The following PRICKLE2 variants were observed in gnomAD, a reference collection of about 807,000 sequenced individuals.
PRICKLE2 encodes prickle-like protein 2.
In PRICKLE2, 21 loss-of-function variants were observed where a neutral mutation model predicts 81.4. The ratio of observed to expected loss-of-function variants is 0.26; its 90% CI spans 0.18 to 0.37. The LOEUF is 0.37. Among genes scored for constraint, PRICKLE2 ranks in the 10% least tolerant of loss-of-function variants. The pLI, the probability that PRICKLE2 is intolerant of heterozygous loss-of-function variation, is 1.00. For synonymous variants in PRICKLE2, 456 were observed against 421.5 expected (o/e 1.08, Z -1.00); for missense variants, 940 against 1,109.0 (o/e 0.85, Z 2.16).
At chr3:64,160,229 A>G (rs2077709891) in intron 3 of PRICKLE2, 152 bp from the exon 4 acceptor site, 3 of 817,976 alleles carry the variant, frequency 3.7e-6, no homozygotes, top group Non-Finnish European at 4.1e-6. Flanking sequence ...GGAGAGATTT[A>G]AGGTGAGTCT....
intron 2 of PRICKLE2, among the ~76,000 whole-genome samples, chr3:64,180,843 T>C (rs1189355746): frequency 6.6e-6 from 1 of 152,202 alleles, no homozygotes; most frequent in Non-Finnish European, 1.5e-5. Flanking sequence ...GAGTGATTTT[T>C]ATTACGTGTT....
chr3:64,134,352 C>G (rs529173963), intron 7 of PRICKLE2, among the ~76,000 whole-genome samples: 3 of 152,166 alleles, frequency 2.0e-5, no homozygotes, highest in African/African-American at 4.8e-5. Flanking sequence ...GGTCCCTTCC[C>G]GTGACATCAT....
At chr3:64,163,262 A>G in intron 2 of PRICKLE2, 133 bp from the exon 3 acceptor site, 3 of 732,638 alleles carry the variant, frequency 4.1e-6, no homozygotes. Flanking sequence ...GAAAGTCAAC[A>G]GCAGATGAGT....
At chr3:64,239,932 T>G (rs2079237764) in intron 2 of PRICKLE2, among the ~76,000 whole-genome samples, 1 of 97,156 alleles carries the variant, frequency 1.0e-5, no homozygotes, top group Admixed American at 1.6e-4. Context: ...CTGGGCAACA[T>G]GACAAAACCC....
In PRICKLE2 at chr3:64,213,986, T is replaced by C. The variant is rs561007942; in HGVS notation, c.-41+10924A>G. ...GTTCACAGAGAGGCCCCCAAATCACTGGCAAGTCATAGGAAATTCTTAAGT... is the reference window on the plus strand; with the variant it reads ...GTTCACAGAGAGGCCCCCAAATCACCGGCAAGTCATAGGAAATTCTTAAGT... On this transcript the variant is annotated intron_variant, in intron 1 of 7. Transcript: ENST00000638394. Among the ~76,000 whole-genome samples the C allele has an allele frequency of 8.5e-5, 13 of 152,268 alleles. No individual in the cohort carries two copies. In the East Asian group the frequency reaches 2.3e-3, roughly 27 times the overall value.
At chr3:64,165,320 C>A (rs2077811937) in intron 2 of PRICKLE2, among the ~76,000 whole-genome samples, 1 of 152,170 alleles carries the variant, frequency 6.6e-6, no homozygotes, top group Non-Finnish European at 1.5e-5. Context: ...GCCAGTAGAT[C>A]TGGACCCCGA....
At chr3:64,232,763 G>A (rs1289110436) in intron 2 of PRICKLE2, among the ~76,000 whole-genome samples, 1 of 152,118 alleles carries the variant, frequency 6.6e-6, no homozygotes, top group East Asian at 1.9e-4. Flanking sequence ...TTAATTCCCA[G>A]TTGAGTCCAC....
chr3:64,095,160 A>T lies in PRICKLE2; in HGVS notation c.*3891T>A, dbSNP rs1422318880. Reference sequence around the variant, plus strand: ...CTGCAAAATGAAGACTGCCTATAGTAATTGGCAGAGAACATGAAAATGGCC... The same window carrying T: ...CTGCAAAATGAAGACTGCCTATAGTTATTGGCAGAGAACATGAAAATGGCC... On this transcript the variant is annotated 3_prime_UTR_variant, in exon 8 of 8. Coordinates refer to ENST00000638394, the MANE Select transcript of PRICKLE2 (RefSeq NM_198859.4). 1 of 152,306 alleles carries T rather than the reference A, an allele frequency of 6.6e-6. No individual in the cohort carries two copies. Among genetic ancestry groups the T allele is most frequent in the Non-Finnish European group, 1.5e-5 (1 of 68,040 alleles). 9.4% of individuals were successfully genotyped at this position (152,306 alleles called of 1,614,324 possible). A position where few individuals can be genotyped will look rare whatever the true frequency, so the allele number is the denominator to read the frequency against.
chr3:64,101,879 A>G (rs1309288250), intron 7 of PRICKLE2: 1 of 152,218 alleles, frequency 6.6e-6, no homozygotes, highest in Admixed American at 6.5e-5. Context: ...GTTGCAAGGG[A>G]AGAATTAGTA....
chr3:64,251,942 C>A (rs1340168797), intron 2 of PRICKLE2, among the ~76,000 whole-genome samples: 1 of 152,174 alleles, frequency 6.6e-6, no homozygotes, highest in African/African-American at 2.4e-5. Flanking sequence ...GACATAAATG[C>A]CCTGATGCAC....
intron 2 of PRICKLE2, chr3:64,174,315 C>G (rs996794692): frequency 6.6e-6 from 1 of 152,150 alleles, no homozygotes; most frequent in African/African-American, 2.4e-5. Flanking sequence ...GTCCTTATCT[C>G]TAGGACTAGA....
intron 2 of PRICKLE2, among the ~76,000 whole-genome samples, chr3:64,232,908 C>T (rs1452402732): frequency 6.6e-6 from 1 of 152,172 alleles, no homozygotes; most frequent in Non-Finnish European, 1.5e-5. Context: ...AGGAGGTTGA[C>T]AAACTATATC....
intron 3 of PRICKLE2, among the ~76,000 whole-genome samples, chr3:64,161,734 A>G (rs1348243720): frequency 6.7e-6 from 1 of 149,704 alleles, no homozygotes; most frequent in Non-Finnish European, 1.5e-5. Context: ...AAAAAAAAAA[A>G]AGTCTCCATG....
chr3:64,160,336 C>T (rs558317950), intron 3 of PRICKLE2, among the ~76,000 whole-genome samples: 1 of 152,292 alleles, frequency 6.6e-6, no homozygotes, highest in South Asian at 2.1e-4. Flanking sequence ...GCTAAAGGTG[C>T]CTGCTCCTTA....
At chr3:64,134,341 A>G (rs1454515045) in intron 7 of PRICKLE2, among the ~76,000 whole-genome samples, 1 of 152,208 alleles carries the variant, frequency 6.6e-6, no homozygotes, top group African/African-American at 2.4e-5. Flanking sequence ...CCAGCTGAGG[A>G]GGTCCCTTCC....
intron 2 of PRICKLE2, among the ~76,000 whole-genome samples, chr3:64,175,840 T>C (rs1308443797): frequency 6.6e-6 from 1 of 152,182 alleles, no homozygotes. Flanking sequence ...GTCAGATTAG[T>C]TTTATTATTA....
chr3:64,157,012 G>T, intron 5 of PRICKLE2, 150 bp downstream of exon 5: 1 of 750,720 alleles, frequency 1.3e-6, no homozygotes, highest in East Asian at 2.6e-5. Flanking sequence ...AGAAACCAGG[G>T]ATGGGTGGGG....
intron 1 of PRICKLE2, among the ~76,000 whole-genome samples, chr3:64,211,009 C>A (rs1222971524): frequency 6.6e-6 from 1 of 152,180 alleles, no homozygotes; most frequent in African/African-American, 2.4e-5. Context: ...AACCAGAACT[C>A]ATTTCAGCTG....
chr3:64,206,644 C>A (rs943003134), intron 1 of PRICKLE2, among the ~76,000 whole-genome samples: 2 of 152,164 alleles, frequency 1.3e-5, no homozygotes, highest in Non-Finnish European at 2.9e-5. Context: ...CAGGTTCAGG[C>A]CACTTTCATG....
Sources: allele counts gnomAD v4.1 joint callset (sites outside exome capture counted in the v4.1 genomes callset), GRCh38; gene constraint gnomAD v4.1.1; transcripts MANE v1.5; gene names NCBI Gene and HGNC (gene_info 2026-07-23, HGNC 2026-07-21).